MCF2L: variants seen among roughly 807,000 people sequenced by gnomAD.
MCF2L encodes the protein guanine nucleotide exchange factor DBS.
Under a neutral mutation model 153.4 loss-of-function variants are expected in MCF2L, and 97 were observed. The observed-to-expected ratio is 0.63, with a 90% CI of 0.54 to 0.75. MCF2L has a LOEUF of 0.75. Ranked by LOEUF, MCF2L falls within the 30% of genes least tolerant of loss-of-function variation. MCF2L has a pLI of 0.00. For synonymous variants in MCF2L, 659 were observed against 632.2 expected, an observed-to-expected ratio of 1.04 and a Z score of -0.64; for missense variants, 1,347 against 1,495.2, an observed-to-expected ratio of 0.90 and a Z score of 1.64.
At chr13:112,935,035 T>G (rs1248651466) in intron 2 of MCF2L, among the ~76,000 whole-genome samples, 1 of 152,196 alleles carries the variant, frequency 6.6e-6, no homozygotes, top group Non-Finnish European at 1.5e-5. Context: ...CCCCTTAAAA[T>G]TTGTATGTTG....
intron 2 of MCF2L, among the ~76,000 whole-genome samples, chr13:113,020,769 T>C (rs1343450247): frequency 1.3e-5 from 2 of 152,080 alleles, no homozygotes; most frequent in East Asian, 1.9e-4. Context: ...CATAACAGTG[T>C]ATATGTGTAG....
At chr13:112,953,295 C>T (rs1290540899) in intron 2 of MCF2L, among the ~76,000 whole-genome samples, 1 of 152,204 alleles carries the variant, frequency 6.6e-6, no homozygotes, top group Non-Finnish European at 1.5e-5. Flanking sequence ...CCTCCTCCAG[C>T]CCCCATGGAC....
intron 1 of MCF2L, chr13:112,985,422 A>G (rs546752802): frequency 1.7e-4 from 82 of 471,088 alleles, no homozygotes; most frequent in Non-Finnish European, 2.2e-4. Context: ...CGTGGCGGAA[A>G]TGAAAAGCTA....
intron 2 of MCF2L, among the ~76,000 whole-genome samples, chr13:112,926,789 G>A (rs1228647298): frequency 4.6e-5 from 7 of 152,158 alleles, no homozygotes; most frequent in Admixed American, 1.3e-4. Flanking sequence ...AGTGGCGGTC[G>A]CCTGGGGCAG....
At chr13:112,980,173 G>A (rs1483873445) in intron 1 of MCF2L, among the ~76,000 whole-genome samples, 1 of 152,206 alleles carries the variant, frequency 6.6e-6, no homozygotes, top group Non-Finnish European at 1.5e-5. Context: ...TGTCACAGGC[G>A]TGGCCCAGGC....
intron 1 of MCF2L, among the ~76,000 whole-genome samples, chr13:113,006,690 G>A (rs1261859544): frequency 6.6e-6 from 1 of 152,226 alleles, no homozygotes. Flanking sequence ...GCTGGCGGGA[G>A]ACACTAAGGT....
rs749543977 is a variant in MCF2L, at chr13:113,064,262, C to A, written c.490-42C>A. ...ATGGGGCAGCTCTTTTGGGAGCCAA[C>A]AATAATCCCAAACACTACCACGCAT... On this transcript the variant is annotated intron_variant, in intron 5 of 29. Transcript: ENST00000535094. The surrounding 1 kb of genome is among the most constrained non-coding windows in gnomAD (Gnocchi z 6.0). 1.5e-4 allele frequency: 216 copies of A among 1,439,278 alleles called. No homozygotes were observed. Among genetic ancestry groups the A allele is most frequent in the Non-Finnish European group, 2.0e-4 (208 of 1,022,834 alleles). The allele number at this position is 1,439,278 out of a possible 1,614,324, so 89.2% of individuals were successfully genotyped here.
chr13:113,048,890 A>G (rs571025813), intron 4 of MCF2L, among the ~76,000 whole-genome samples: 1 of 152,262 alleles, frequency 6.6e-6, no homozygotes, highest in Non-Finnish European at 1.5e-5. Flanking sequence ...GGGCATCACA[A>G]TGGGGTCACA....
rs188354955 is a variant in MCF2L at position 112,983,191 on chromosome 13, C to T, written c.79+13733C>T. The stretch of plus-strand genomic sequence containing the variant: ...TGGAGGTGAGGGGGTAGCAGAGCCC[C>T]TCACACAGGTCTAGGTTGCAGGTTC... On this transcript the variant is annotated intron_variant, in intron 1 of 29. Transcript: ENST00000535094. The surrounding 1 kb of genome is among the most constrained non-coding windows in gnomAD (Gnocchi z 4.0). Among the ~76,000 whole-genome samples the T allele has an allele frequency of 2.0e-5, 3 of 152,220 alleles. No individual in the cohort carries two copies. Among genetic ancestry groups the T allele is most frequent in the East Asian group, 1.9e-4 (1 of 5,178 alleles).
chr13:113,000,445 T>G (rs1176249727), intron 1 of MCF2L, among the ~76,000 whole-genome samples: 2 of 152,154 alleles, frequency 1.3e-5, no homozygotes, highest in Non-Finnish European at 2.9e-5. Flanking sequence ...CAGTGGCCCC[T>G]CTTAGGCATC....
At chr13:112,959,752 C>T (rs1437057492) in intron 2 of MCF2L, among the ~76,000 whole-genome samples, 1 of 152,244 alleles carries the variant, frequency 6.6e-6, no homozygotes, top group Non-Finnish European at 1.5e-5. Flanking sequence ...TAGCAACCCA[C>T]GTGCAGTACA....
intron 2 of MCF2L, among the ~76,000 whole-genome samples, chr13:113,017,815 T>A (rs775087679): frequency 1.3e-5 from 2 of 152,232 alleles, no homozygotes; most frequent in Non-Finnish European, 2.9e-5. Context: ...CACCCCAGCC[T>A]GTTCCGTGGA....
chr13:113,057,617 TGTGTTTGGGTGCTGA>T (rs1203609227), intron 4 of MCF2L, among the ~76,000 whole-genome samples: 8 of 124,888 alleles, frequency 6.4e-5, no homozygotes, highest in South Asian at 3.0e-4. Context: ...TTGAGTGCTG[TGTGTTTGGGTGCTGA>T]GTGTTTGGGT....
In MCF2L at chr13:113,087,350, G is replaced by A. The variant is rs2034733155; in HGVS notation, c.2489G>A (p.Arg830Gln). The A allele has an allele frequency of 1.9e-6, 3 of 1,613,294 alleles. No individual in the cohort carries two copies. Among genetic ancestry groups the A allele is most frequent in the African/African-American group, 2.7e-5 (2 of 74,946 alleles). ...CTGGCCAGGTTCAAGCCCATGCAGC[G>A]GCACCTGTTCCTGCACGAGAAGGCA... The part of the protein sequence containing the change: ...KELARFKPMQ[R>Q]HLFLHEKAVL... The change falls in exon 22 of 30, where the codon CGG becomes CAG. Residue 830 changes from arginine (R) to glutamine (Q), a missense_variant. Arg to Gln is a conservative substitution (Grantham distance 43). Around this residue, in one of 3 missense-constraint regions of MCF2L, gnomAD observed 144 missense variants for 238.7 expected, o/e 0.60. Coordinates refer to ENST00000535094, the MANE Select transcript of MCF2L (RefSeq NM_001112732.3).
At position 112,969,286 on chromosome 13, in the gene MCF2L, G is replaced by T; in HGVS notation, c.-94G>T. 1 of 1,508,314 alleles carries T rather than the reference G, an allele frequency of 6.6e-7. No individual in the cohort carries two copies. The highest frequency in any genetic ancestry group is 1.3e-5 in the South Asian group (1 of 79,352). 93.4% of individuals were successfully genotyped at this position (1,508,314 alleles called of 1,614,324 possible). ...CTGCCGTGGCCCCCTCCCCGCCTCC[G>T]CCGCGCCCCCTCCGCACTCGCACGG... On this transcript the variant is annotated 5_prime_UTR_variant, in exon 1 of 30. Transcript: ENST00000535094. This position sits in a 1 kb window ranked among gnomAD's most constrained non-coding sequence, Gnocchi z 4.8.
Position 113,028,570 on chromosome 13 carries a change from G to A in MCF2L, c.278+3812G>A, listed in dbSNP as rs1475226586. On this transcript the variant is annotated intron_variant, in intron 3 of 29. Coordinates refer to ENST00000535094, the MANE Select transcript of MCF2L (RefSeq NM_001112732.3). This position sits in a 1 kb window ranked among gnomAD's most constrained non-coding sequence, Gnocchi z 5.4. ...GGCCCAGTCCCCGCTGTGGACACGCGGGCCCCAGGTTGCTCAGAGGCAGCT... is the reference window on the plus strand; with the variant it reads ...GGCCCAGTCCCCGCTGTGGACACGCAGGCCCCAGGTTGCTCAGAGGCAGCT... Among the ~76,000 whole-genome samples, 4 of 152,200 alleles carry A rather than the reference G, an allele frequency of 2.6e-5. No homozygotes were observed. Among genetic ancestry groups the A allele is most frequent in the Non-Finnish European group, 4.4e-5 (3 of 68,040 alleles).
chr13:113,064,226 G>T lies in MCF2L; in HGVS notation c.490-78G>T. Reference sequence around the variant, plus strand: ...GACGTGGTCCTCTCTGTGCTGCTGGGTGTTCTGCTGATGGGGCAGCTCTTT... The same window carrying T: ...GACGTGGTCCTCTCTGTGCTGCTGGTTGTTCTGCTGATGGGGCAGCTCTTT... On this transcript the variant is annotated intron_variant, in intron 5 of 29. Transcript: ENST00000535094. The surrounding 1 kb of genome is among the most constrained non-coding windows in gnomAD (Gnocchi z 6.0). 1 of 1,050,468 alleles carries T rather than the reference G, an allele frequency of 9.5e-7. No individual in the cohort carries two copies. The highest frequency in any genetic ancestry group is 1.5e-6 in the Non-Finnish European group (1 of 674,382). 65.1% of individuals were successfully genotyped at this position (1,050,468 alleles called of 1,614,324 possible).
intron 12 of MCF2L, 63 bp from the exon 13 acceptor site, chr13:113,076,985 CCTGA>C (rs1446337582): frequency 2.6e-5 from 40 of 1,533,152 alleles, no homozygotes; most frequent in East Asian, 1.6e-4. Context: ...ACGTTCTGCG[CCTGA>C]CTGTGTATTT....
At position 113,031,282 on chromosome 13, in the gene MCF2L, GAC is replaced by G. The variant is rs970975264; in HGVS notation, c.278+6528_278+6529del. On this transcript the variant is annotated intron_variant, in intron 3 of 29. Transcript: ENST00000535094. The surrounding 1 kb of genome is among the most constrained non-coding windows in gnomAD (Gnocchi z 5.5). ...AGAGACAGACAGACAGAGACACGGA[GAC>G]ACAGAGATAAAGAGAGCACGAGGGA... is the stretch of plus-strand genomic sequence containing the variant. Among the ~76,000 whole-genome samples, 9 of 152,262 alleles carry G rather than the reference GAC, an allele frequency of 5.9e-5. No homozygotes were observed. The highest frequency in any genetic ancestry group is 4.1e-4 in the South Asian group (2 of 4,826).
Sources: allele counts gnomAD v4.1 joint callset (sites outside exome capture counted in the v4.1 genomes callset), GRCh38; gene constraint gnomAD v4.1.1; regional missense constraint gnomAD v4.1.1; non-coding constraint Gnocchi (gnomAD v3.1); transcripts MANE v1.5; gene names NCBI Gene and HGNC (gene_info 2026-07-23, HGNC 2026-07-21).